Variants in MYO9B observed in about 807,000 individuals in gnomAD.
The protein encoded by MYO9B is unconventional myosin-IXb.
Under a neutral mutation model 229.5 loss-of-function variants are expected in MYO9B, and 71 were observed. That is an observed-to-expected ratio of 0.31 (90% CI 0.26 to 0.38). MYO9B has a LOEUF of 0.38. Ranked by LOEUF, MYO9B falls within the 10% of genes least tolerant of loss-of-function variation. The pLI is 1.00. For synonymous variants in MYO9B, 1,185 were observed against 1,235.8 expected (o/e 0.96, Z 0.86); for missense variants, 2,255 against 2,920.5 (o/e 0.77, Z 5.25).
rs751204876 is a variant in MYO9B at position 17,175,657 on chromosome 19, C to T, written c.2141-6C>T. ...CCCACCACCATCCACTCTGTGTCTC[C>T]GGCAGGTATGAGCAGCCCTGGTGCC... On this transcript the variant is annotated splice_polypyrimidine_tract_variant and splice_region_variant and intron_variant, in intron 13 of 39. Coordinates refer to ENST00000682292, the MANE Select transcript of MYO9B (RefSeq NM_004145.4). 28 of 1,566,370 alleles carry T rather than the reference C, an allele frequency of 1.8e-5. No individual in the cohort carries two copies. The highest frequency in any genetic ancestry group is 4.1e-5 in the African/African-American group (3 of 73,364).
rs1190507343 is a variant in MYO9B at position 17,206,366 on chromosome 19, C to G, written c.5376C>G (p.Leu1792=). The change falls in exon 33 of 40, where the codon CTC becomes CTG. Residue 1792 remains leucine, a synonymous_variant. Transcript: ENST00000682292. ...CCTTCGCACAGTACGGCGACTTCCTCCGAGCCGTCGGTGAGCCCCATGGCG... is the reference window on the plus strand; with the variant it reads ...CCTTCGCACAGTACGGCGACTTCCTGCGAGCCGTCGGTGAGCCCCATGGCG... The part of the protein sequence containing the change: ...LMTFAQYGDF[L]RAVELPEKQE... The G allele has an allele frequency of 6.2e-7, 1 of 1,610,222 alleles. No individual in the cohort carries two copies. Among genetic ancestry groups the G allele is most frequent in the Non-Finnish European group, 8.5e-7 (1 of 1,179,580 alleles).
Position 17,194,935 on chromosome 19 carries a change from AAGG to A in MYO9B, c.3514_3516del (p.Glu1172del). On this transcript the variant is annotated inframe_deletion, in exon 22 of 40. Coordinates refer to ENST00000682292, the MANE Select transcript of MYO9B (RefSeq NM_004145.4). ...CCAGAACAAACACATCCAGTCCTGC[AAGG>A]AGGAGAGTGCCCTCAGAGAACCTTC... The A allele has an allele frequency of 1.9e-6, 3 of 1,613,404 alleles. No homozygotes were observed. Among genetic ancestry groups the A allele is most frequent in the Non-Finnish European group, 2.5e-6 (3 of 1,179,872 alleles).
At chr19:17,144,023 C>T (rs2072376252) in intron 2 of MYO9B, among the ~76,000 whole-genome samples, 1 of 152,068 alleles carries the variant, frequency 6.6e-6, no homozygotes, top group Non-Finnish European at 1.5e-5. Context: ...TACAAGTTTA[C>T]CTACTTAACA....
chr19:17,186,704 C>T (rs2072923153), intron 18 of MYO9B, among the ~76,000 whole-genome samples: 2 of 152,070 alleles, frequency 1.3e-5, no homozygotes, highest in South Asian at 2.1e-4. Flanking sequence ...CAACCCTCCT[C>T]ATTCTTTCCC....
rs1031927864 is a variant in MYO9B, at chr19:17,099,226, G to T, written c.-58-2434G>T. 7 of 150,504 alleles carry T rather than the reference G, an allele frequency of 4.7e-5. No individual in the cohort carries two copies. The East Asian group carries it at 1.2e-3, about 25-fold the overall frequency. The allele number at this position is 150,504 out of a possible 1,614,324, so 9.3% of individuals were successfully genotyped here. On this transcript the variant is annotated intron_variant, in intron 1 of 39. Coordinates refer to ENST00000682292, the MANE Select transcript of MYO9B (RefSeq NM_004145.4). ...GGAGGCAGAGGTTGCAGTGAGCCGA[G>T]ATCCGCCACTGGACTCCAGCATGGT...
chr19:17,152,188 A>C (rs1458445844), intron 3 of MYO9B, among the ~76,000 whole-genome samples: 2 of 149,144 alleles, frequency 1.3e-5, no homozygotes, highest in African/African-American at 2.5e-5. Flanking sequence ...CTCCATCACA[A>C]AAAAAAAAAA....
At chr19:17,145,350 GAA>G in intron 2 of MYO9B, 45 bp from the exon 3 acceptor site, 1 of 1,519,044 alleles carries the variant, frequency 6.6e-7, no homozygotes, top group Non-Finnish European at 9.1e-7. Context: ...AAAAGAAAAA[GAA>G]ATTCCACCCT....
intron 10 of MYO9B, 73 bp downstream of exon 10, chr19:17,163,195 C>T (rs985167971): frequency 6.8e-6 from 10 of 1,471,174 alleles, no homozygotes; most frequent in African/African-American, 1.4e-5. Flanking sequence ...ACCATCTTAA[C>T]CATTTGTAAA....
intron 10 of MYO9B, among the ~76,000 whole-genome samples, chr19:17,165,183 GT>G (rs1245759693): frequency 6.6e-6 from 1 of 151,886 alleles, no homozygotes; most frequent in Non-Finnish European, 1.5e-5. Flanking sequence ...GATACACAGG[GT>G]TAAATTAAGT....
chr19:17,130,994 G>A (rs1599354135), intron 2 of MYO9B, among the ~76,000 whole-genome samples: 1 of 152,026 alleles, frequency 6.6e-6, no homozygotes. Flanking sequence ...ATGTCTGATC[G>A]GGCTCTGTAT....
intron 1 of MYO9B, chr19:17,099,335 A>G (rs1430851248): frequency 1.3e-5 from 2 of 152,088 alleles, no homozygotes; most frequent in African/African-American, 4.8e-5. Context: ...ATACGTGGAC[A>G]TAACAGAGCA....
chr19:17,134,381 G>GTTTGTTTTTTT (rs2072241804), intron 2 of MYO9B, among the ~76,000 whole-genome samples: 2 of 46,472 alleles, frequency 4.3e-5, no homozygotes, highest in African/African-American at 1.8e-4. Context: ...CGTTTTGTTT[G>GTTTGTTTTTTT]TTTTTTTTTT....
intron 15 of MYO9B, 183 bp from the exon 16 acceptor site, chr19:17,183,646 T>C: frequency 1.7e-6 from 1 of 590,312 alleles, no homozygotes; most frequent in Non-Finnish European, 3.0e-6. Flanking sequence ...AGACAGTGGC[T>C]GAGGCACGCC....
chr19:17,154,281 G>A (rs774143191), intron 5 of MYO9B, 34 bp from the exon 6 acceptor site: 2 of 1,592,534 alleles, frequency 1.3e-6, no homozygotes, highest in South Asian at 2.2e-5. Flanking sequence ...GCCGGCCCAG[G>A]AATGCCCAGA....
At chr19:17,128,296 C>T (rs532075121) in intron 2 of MYO9B, among the ~76,000 whole-genome samples, 3 of 152,046 alleles carry the variant, frequency 2.0e-5, no homozygotes, top group East Asian at 3.9e-4. Flanking sequence ...GAGTCTGAGG[C>T]GGGAGGATCG....
At chr19:17,134,191 A>G (rs1439961063) in intron 2 of MYO9B, among the ~76,000 whole-genome samples, 1 of 151,930 alleles carries the variant, frequency 6.6e-6, no homozygotes, top group East Asian at 1.9e-4. Context: ...ACTGTATCCA[A>G]TAGGTAACTT....
intron 1 of MYO9B, among the ~76,000 whole-genome samples, chr19:17,099,614 G>T (rs941618123): frequency 6.6e-6 from 1 of 151,904 alleles, no homozygotes; most frequent in African/African-American, 2.4e-5. Flanking sequence ...AGGAGATAGA[G>T]ACCATCCTGG....
intron 15 of MYO9B, among the ~76,000 whole-genome samples, chr19:17,182,483 A>G (rs938583044): frequency 2.0e-5 from 3 of 151,700 alleles, no homozygotes; most frequent in African/African-American, 7.3e-5. Flanking sequence ...GGCTCACTGC[A>G]ACCTCCACCT....
chr19:17,210,242 C>T, intron 36 of MYO9B, 91 bp from the exon 37 acceptor site: 12 of 1,337,236 alleles, frequency 9.0e-6, no homozygotes, highest in Non-Finnish European at 1.2e-5. Context: ...CAGGGACCCC[C>T]TATCTTGGTA....
Sources: gnomAD v4.1 joint callset for allele counts (sites outside exome capture counted in the v4.1 genomes callset) on GRCh38, gnomAD v4.1.1 for gene constraint, MANE v1.5 for transcripts, NCBI Gene and HGNC (gene_info 2026-07-23, HGNC 2026-07-21) for gene names.